Variants in KIFAP3 observed in about 807,000 individuals in gnomAD.
KIFAP3 encodes kinesin associated protein 3, also known as kinesin-associated protein 3.
A neutral mutation model predicts 106.5 loss-of-function variants in KIFAP3; 68 were observed. The ratio of observed to expected loss-of-function variants is 0.64; its 90% CI spans 0.53 to 0.78. KIFAP3 has a LOEUF of 0.78. Ranked by LOEUF, KIFAP3 falls within the 30% of genes least tolerant of loss-of-function variation. The probability of loss-of-function intolerance (pLI) is 0.00; values close to 1 mark genes in which losing one functional copy is unlikely to be tolerated. For synonymous variants in KIFAP3, 320 were observed against 311.5 expected (o/e 1.03, Z -0.29); for missense variants, 780 against 941.8 (o/e 0.83, Z 2.25).
chr1:170,039,289 C>T lies in KIFAP3; in HGVS notation c.320-1G>A, dbSNP rs1344233697. 3 of 1,578,642 alleles carry T rather than the reference C, an allele frequency of 1.9e-6. No individual in the cohort carries two copies. The highest frequency in any genetic ancestry group is 1.7e-5 in the Admixed American group (1 of 58,774). On this transcript the variant is annotated splice_acceptor_variant, in intron 3 of 19. Transcript: ENST00000361580. LOFTEE classifies it high-confidence loss of function. ...GGCTTGCTTGATTTTTCTTTTTTCTCTGTAAAAAGATTTTTTTTTAATAAG... is the reference window on the plus strand; with the variant it reads ...GGCTTGCTTGATTTTTCTTTTTTCTTTGTAAAAAGATTTTTTTTTAATAAG...
intron 1 of KIFAP3, among the ~76,000 whole-genome samples, chr1:170,067,084 C>T (rs1005173979): frequency 1.3e-5 from 2 of 151,708 alleles, no homozygotes; most frequent in Admixed American, 6.6e-5. Flanking sequence ...GGTTTAATAG[C>T]AGATTAGATA....
intron 1 of KIFAP3, among the ~76,000 whole-genome samples, chr1:170,061,568 C>A (rs976096700): frequency 6.6e-6 from 1 of 152,164 alleles, no homozygotes; most frequent in African/African-American, 2.4e-5. Flanking sequence ...GTTGGTGGGA[C>A]TGTAAACTAG....
chr1:170,002,755 T>C (rs896556549), intron 10 of KIFAP3, among the ~76,000 whole-genome samples: 12 of 152,228 alleles, frequency 7.9e-5, no homozygotes, highest in African/African-American at 2.7e-4. Flanking sequence ...ATAAATTATA[T>C]ATGAAAATGC....
intron 10 of KIFAP3, among the ~76,000 whole-genome samples, chr1:170,013,627 C>T (rs1041028619): frequency 3.9e-5 from 6 of 151,988 alleles, no homozygotes; most frequent in Admixed American, 3.3e-4. Context: ...CTCTGGAATA[C>T]CACAGTTGCC....
intron 2 of KIFAP3, among the ~76,000 whole-genome samples, chr1:170,050,687 T>C (rs1003803815): frequency 1.3e-5 from 2 of 152,190 alleles, no homozygotes; most frequent in South Asian, 4.1e-4. Context: ...GGGACCAATA[T>C]TCAACAATTT....
intron 17 of KIFAP3, 149 bp from the exon 18 acceptor site, chr1:169,961,384 T>C (rs143676104): frequency 7.1e-6 from 4 of 564,064 alleles, no homozygotes; most frequent in Non-Finnish European, 1.2e-5. Context: ...TTTTATATAA[T>C]AGCCAACAAA....
chr1:170,000,594 A>G (rs1021361307), intron 10 of KIFAP3, among the ~76,000 whole-genome samples: 5 of 152,160 alleles, frequency 3.3e-5, no homozygotes, highest in Admixed American at 3.3e-4. Flanking sequence ...CTAAAAACAC[A>G]TTGAAGCTAT....
At chr1:169,983,048 A>C (rs960558550) in intron 13 of KIFAP3, among the ~76,000 whole-genome samples, 181 bp from the exon 14 acceptor site, 2 of 152,012 alleles carry the variant, frequency 1.3e-5, no homozygotes, top group Non-Finnish European at 2.9e-5. Flanking sequence ...TAAGGCAAGA[A>C]GACTGTAGTG....
chr1:170,019,231 C>T (rs1317338038), intron 9 of KIFAP3, among the ~76,000 whole-genome samples: 1 of 152,060 alleles, frequency 6.6e-6, no homozygotes, highest in Admixed American at 6.6e-5. Flanking sequence ...TGACTTTTTA[C>T]TGGTGAATTC....
chr1:170,011,860 C>T (rs891593508), intron 10 of KIFAP3, among the ~76,000 whole-genome samples: 2 of 152,064 alleles, frequency 1.3e-5, no homozygotes, highest in Non-Finnish European at 2.9e-5. Context: ...ATTTAATTGT[C>T]TACACATGTA....
upstream of KIFAP3, among the ~76,000 whole-genome samples, chr1:170,076,864 T>C (rs1372519663): frequency 6.6e-6 from 1 of 152,250 alleles, no homozygotes; most frequent in Admixed American, 6.5e-5. Flanking sequence ...AAAAGAAATG[T>C]TACTTTACAA....
At chr1:170,083,585 A>C (rs556265421) in intron 1 of KIFAP3, among the ~76,000 whole-genome samples, 114 of 152,352 alleles carry the variant, frequency 7.5e-4, no homozygotes, top group African/African-American at 2.7e-3. Flanking sequence ...GTTAAATGAG[A>C]TAGCATACAT....
At chr1:169,973,882 C>T (rs1362340374) in intron 16 of KIFAP3, among the ~76,000 whole-genome samples, 1 of 151,618 alleles carries the variant, frequency 6.6e-6, no homozygotes, top group Non-Finnish European at 1.5e-5. Flanking sequence ...ATTCAGGAGA[C>T]AGTAAATAAG....
intron 2 of KIFAP3, among the ~76,000 whole-genome samples, chr1:170,052,386 G>A (rs1670620955): frequency 6.6e-6 from 1 of 152,210 alleles, no homozygotes; most frequent in African/African-American, 2.4e-5. Flanking sequence ...GGAACAGATG[G>A]ATTCACTGCA....
In KIFAP3 at chr1:169,978,104, G is replaced by A. The variant is rs201764511; in HGVS notation, c.1878C>T (p.Asp626=). 1.6e-5 allele frequency: 26 copies of A among 1,605,642 alleles called. No individual in the cohort carries two copies. In the East Asian group the frequency reaches 2.9e-4, roughly 18 times the overall value. ...GGATACGTGTTTCCTTGATTATGAC[G>A]TCTCTTGTGGCTTGGTGGAAAACCA... is the stretch of plus-strand genomic sequence containing the variant. The part of the protein sequence containing the change: ...YQMVFHQATR[D]VIIKETQAPA... Residue 626 remains aspartate, a synonymous_variant, in exon 16 of 20, where the codon GAC becomes GAT. Coordinates refer to ENST00000361580, the MANE Select transcript of KIFAP3 (RefSeq NM_014970.4).
At chr1:169,928,800 A>T (rs1027913929) in intron 19 of KIFAP3, among the ~76,000 whole-genome samples, 2 of 151,710 alleles carry the variant, frequency 1.3e-5, no homozygotes. Flanking sequence ...TTTAAAGGTT[A>T]TATTTCATTG....
At chr1:170,002,950 T>C (rs979342271) in intron 10 of KIFAP3, among the ~76,000 whole-genome samples, 1 of 152,158 alleles carries the variant, frequency 6.6e-6, no homozygotes, top group Non-Finnish European at 1.5e-5. Flanking sequence ...TCTAATTATA[T>C]GGACTTCTGA....
Position 170,046,782 on chromosome 1 carries a change from A to C in KIFAP3, c.249T>G (p.Pro83=). ...KVVEECKLIH[P]SKLNEVEQLL... ...GCTGTTCTACCTCATTTAGTTTTGA[A>C]GGATGAATGAGTTTACATTCTTCAA... The change falls in exon 3 of 20, where the codon CCT becomes CCG. Residue 83 remains proline, a synonymous_variant. Transcript: ENST00000361580. The C allele has an allele frequency of 1.9e-6, 3 of 1,611,240 alleles. No homozygotes were observed. The highest frequency in any genetic ancestry group is 2.5e-6 in the Non-Finnish European group (3 of 1,178,452).
intron 1 of KIFAP3, among the ~76,000 whole-genome samples, chr1:170,080,848 A>T (rs1406897294): frequency 6.6e-6 from 1 of 152,122 alleles, no homozygotes; most frequent in East Asian, 1.9e-4. Context: ...CAGTATCTAG[A>T]ATTATTCTGT....
Sources: gnomAD v4.1 joint callset for allele counts (sites outside exome capture counted in the v4.1 genomes callset) on GRCh38, gnomAD v4.1.1 for gene constraint, MANE v1.5 for transcripts, NCBI Gene and HGNC (gene_info 2026-07-23, HGNC 2026-07-21) for gene names.